ODF2: variants seen among roughly 807,000 people sequenced by gnomAD.
The protein encoded by ODF2 is outer dense fiber protein 2.
In ODF2, 47 loss-of-function variants were observed where a neutral mutation model predicts 110.2. The ratio of observed to expected loss-of-function variants is 0.43; its 90% confidence interval spans 0.34 to 0.54. The LOEUF is 0.54. Among genes scored for constraint, ODF2 ranks in the 20% least tolerant of loss-of-function variants. ODF2 has a pLI of 0.03. For synonymous variants in ODF2, 352 were observed against 397.7 expected (o/e 0.89, Z 1.37); for missense variants, 812 against 1,054.5 (o/e 0.77, Z 3.19).
rs745884611 is a variant in ODF2, at chr9:128,494,590, T to C, written c.1833T>C (p.Ala611=). The change falls in exon 17 of 21, where the codon GCT becomes GCC. Residue 611 remains alanine, a synonymous_variant. Coordinates refer to ENST00000604420, the Ensembl canonical transcript of ODF2. This position sits in a 1 kb window ranked among gnomAD's most constrained non-coding sequence, Gnocchi z 4.6. ...TGAAGATCACGGAGGCGAAGCTGGC[T>C]GAGTGCCAAGACCAACTGCAGGGCT... 2.5e-6 allele frequency: 4 copies of C among 1,614,164 alleles called. No homozygotes were observed. In the East Asian group the frequency reaches 8.9e-5, roughly 36 times the overall value.
chr9:128,494,743 C>G lies in ODF2; in HGVS notation c.1911+75C>G. 6.2e-7 allele frequency: 1 copy of G among 1,613,444 alleles called. No individual in the cohort carries two copies. Among genetic ancestry groups the G allele is most frequent in the Non-Finnish European group, 8.5e-7 (1 of 1,179,810 alleles). On this transcript the variant is annotated intron_variant, in intron 17 of 20. Transcript: ENST00000604420. This position sits in a 1 kb window ranked among gnomAD's most constrained non-coding sequence, Gnocchi z 4.6. ...GCATACCAAGATGAGCTGCACGCCCCCCAAGGGAGGACTACTTCCTTTTTC... is the reference window on the plus strand; with the variant it reads ...GCATACCAAGATGAGCTGCACGCCCGCCAAGGGAGGACTACTTCCTTTTTC...
intron 8 of ODF2, among the ~76,000 whole-genome samples, chr9:128,477,001 T>C (rs184994809): frequency 1.1e-4 from 17 of 151,212 alleles, no homozygotes; most frequent in African/African-American, 4.1e-4. Context: ...CCCAGCACTT[T>C]GAGAGGCCAA....
intron 1 of ODF2, chr9:128,456,768 T>TCCCCC: frequency 1.2e-6 from 1 of 832,098 alleles, no homozygotes; most frequent in African/African-American, 2.1e-5. Context: ...CGGGGGGGGG[T>TCCCCC]CCCGCCCGCC....
chr9:128,466,934 A>ACG, intron 4 of ODF2, among the ~76,000 whole-genome samples: 2 of 128,622 alleles, frequency 1.6e-5, no homozygotes, highest in Non-Finnish European at 3.2e-5. Flanking sequence ...CCGAGATTGC[A>ACG]CCACTGCACT....
At chr9:128,475,022 A>G (rs1307663995) in intron 8 of ODF2, among the ~76,000 whole-genome samples, 1 of 152,076 alleles carries the variant, frequency 6.6e-6, no homozygotes. Flanking sequence ...GACCCTCTGT[A>G]TCTGTGGGTT....
At chr9:128,467,155 G>A (rs1838416529) in intron 4 of ODF2, among the ~76,000 whole-genome samples, 1 of 148,708 alleles carries the variant, frequency 6.7e-6, no homozygotes, top group Non-Finnish European at 1.5e-5. Context: ...TACACAAACC[G>A]AGATTGGTAA....
intron 4 of ODF2, among the ~76,000 whole-genome samples, chr9:128,466,080 A>C (rs1837797333): frequency 6.6e-6 from 1 of 151,540 alleles, no homozygotes; most frequent in Non-Finnish European, 1.5e-5. Context: ...CGGAGGTTGC[A>C]GGGAGCCAAG....
upstream of ODF2, chr9:128,455,245 G>GCA: frequency 6.5e-7 from 1 of 1,535,006 alleles, no homozygotes; most frequent in Non-Finnish European, 8.7e-7. Context: ...ACACAGAGCG[G>GCA]CATAGAGAGT....
chr9:128,456,891 C>A, intron 1 of ODF2: 1 of 1,290,776 alleles, frequency 7.7e-7, no homozygotes, highest in Non-Finnish European at 9.9e-7. Context: ...ACTATTGGTC[C>A]TCTCGGGCAT....
At chr9:128,495,685 A>C (rs1434016907) in intron 17 of ODF2, among the ~76,000 whole-genome samples, 2 of 152,174 alleles carry the variant, frequency 1.3e-5, no homozygotes, top group Non-Finnish European at 2.9e-5. Flanking sequence ...ATAACAGGTA[A>C]AGCTCTGTGG....
intron 18 of ODF2, chr9:128,497,446 A>AAAAAAAAAATATAT (rs1554857542): frequency 2.3e-5 from 1 of 42,596 alleles, no homozygotes; most frequent in Non-Finnish European, 3.6e-5. Flanking sequence ...AAAAAAAAAA[A>AAAAAAAAAATATAT]ATATATATAT....
At position 128,456,858 on chromosome 9, in the gene ODF2, C is replaced by A. The variant is rs948280497; in HGVS notation, c.-208-340C>A. 9.9e-6 allele frequency: 13 copies of A among 1,307,770 alleles called. No homozygotes were observed. In the African/African-American group the frequency reaches 2.0e-4, roughly 20 times the overall value. 81.0% of individuals were successfully genotyped at this position (1,307,770 alleles called of 1,614,324 possible). ...GCGGGGCGCCCGGGGCCCGTGCAAC[C>A]TCCGCGCCTCCCTCCTTTAAACACT... On this transcript the variant is annotated intron_variant, in intron 1 of 20. Transcript: ENST00000604420.
At chr9:128,461,170 T>C (rs944410278) in intron 4 of ODF2, 103 bp downstream of exon 4, 2 of 1,418,992 alleles carry the variant, frequency 1.4e-6, no homozygotes, top group African/African-American at 2.9e-5. Context: ...TGGAATGTCC[T>C]AACAGACCCC....
At chr9:128,491,800 A>G (rs1353851564) in intron 14 of ODF2, among the ~76,000 whole-genome samples, 1 of 152,182 alleles carries the variant, frequency 6.6e-6, no homozygotes, top group African/African-American at 2.4e-5. Context: ...ATGCAGCTAT[A>G]GATATATAGC....
At chr9:128,460,975 G>A in exon 4 of ODF2, 1 of 1,614,198 alleles carries the variant, frequency 6.2e-7, no homozygotes, top group Non-Finnish European at 8.5e-7. Flanking sequence ...AGGGGACACT[G>A]TGAATGTGCG....
intron 3 of ODF2, 55 bp downstream of exon 3, chr9:128,460,721 A>G: frequency 6.2e-7 from 1 of 1,604,252 alleles, no homozygotes; most frequent in Non-Finnish European, 8.5e-7. Flanking sequence ...TGATCCTGCT[A>G]AGCCCAGCCT....
chr9:128,474,743 C>G (rs1029650832), intron 8 of ODF2, among the ~76,000 whole-genome samples: 8 of 151,910 alleles, frequency 5.3e-5, no homozygotes, highest in African/African-American at 1.9e-4. Flanking sequence ...GGGCGGATCA[C>G]CTGAGGTCAG....
intron 20 of ODF2, among the ~76,000 whole-genome samples, chr9:128,499,598 C>CGTTTTGTTTT (rs113483745): frequency 2.6e-4 from 40 of 151,600 alleles, no homozygotes; most frequent in South Asian, 4.2e-4. Context: ...CCCAGACTCA[C>CGTTTTGTTTT]GTTTTGTTTT....
exon 18 of ODF2, chr9:128,496,127 G>A (rs767019246): frequency 6.2e-7 from 1 of 1,613,956 alleles, no homozygotes; most frequent in Non-Finnish European, 8.5e-7. Flanking sequence ...GTCTGAAGGT[G>A]GATGAACTGG....
Sources: allele counts gnomAD v4.1 joint callset (sites outside exome capture counted in the v4.1 genomes callset), GRCh38; gene constraint gnomAD v4.1.1; non-coding constraint Gnocchi (gnomAD v3.1); transcripts MANE v1.5; gene names NCBI Gene and HGNC (gene_info 2026-07-23, HGNC 2026-07-21).